LYG2: variants seen among roughly 807,000 people sequenced by gnomAD.
LYG2 encodes the protein lysozyme g2.
LYG2 carries 25 observed loss-of-function variants against 22.4 expected under a neutral mutation model. That is an observed-to-expected ratio of 1.12 (90% CI 0.81 to 1.56). The LOEUF (loss-of-function observed/expected upper bound fraction) is 1.56, where lower values mean the gene tolerates loss of function less well. Ranked by LOEUF, LYG2 falls within the 40% of genes most tolerant of loss-of-function variation. The pLI is 0.00. For missense variants in LYG2, 266 were observed against 269.5 expected (o/e 0.99, Z 0.09); for synonymous variants, 88 against 97.0 (o/e 0.91, Z 0.55).
upstream of LYG2, among the ~76,000 whole-genome samples, chr2:99,257,422 A>G (rs1223154388): frequency 6.6e-6 from 1 of 152,200 alleles, no homozygotes; most frequent in Admixed American, 6.5e-5. Flanking sequence ...CTACTGACCC[A>G]GTGGATGGTT....
intron 3 of LYG2, among the ~76,000 whole-genome samples, chr2:99,248,778 T>A (rs1256260301): frequency 6.6e-6 from 1 of 150,880 alleles, no homozygotes; most frequent in African/African-American, 2.4e-5. Context: ...ATAAATAAAA[T>A]TCAAAAAAAA....
At chr2:99,247,759 C>A (rs2094018787) in intron 3 of LYG2, among the ~76,000 whole-genome samples, 1 of 152,046 alleles carries the variant, frequency 6.6e-6, no homozygotes, top group South Asian at 2.1e-4. Flanking sequence ...AGAGCTTCTG[C>A]ACAGCAAAAG....
At position 99,249,015 on chromosome 2, in the gene LYG2, A is replaced by C. The variant is rs149293934; in HGVS notation, c.44-2195T>G. Among the ~76,000 whole-genome samples, 71 of 152,334 alleles carry C rather than the reference A, an allele frequency of 4.7e-4. 1 individual carries two copies. In the East Asian group the frequency reaches 6.0e-3, roughly 13 times the overall value. On this transcript the variant is annotated intron_variant, in intron 3 of 6. Coordinates refer to ENST00000333017, the MANE Select transcript of LYG2 (RefSeq NM_175735.4). ...CAAGTCTACCTGTTACAGGAGAGGC[A>C]GAGCTTTTGCTAAAGGAGATACAAA...
chr2:99,248,947 A>T (rs962421042), intron 3 of LYG2, among the ~76,000 whole-genome samples: 2 of 152,124 alleles, frequency 1.3e-5, no homozygotes, highest in African/African-American at 4.8e-5. Flanking sequence ...AGTCAAATCT[A>T]TTCTTGTCTT....
At chr2:99,255,452 A>G (rs1290726161) in intron 1 of LYG2, among the ~76,000 whole-genome samples, 151 bp downstream of exon 1, 21 of 152,194 alleles carry the variant, frequency 1.4e-4, no homozygotes, top group Non-Finnish European at 2.6e-4. Context: ...TGAACCCCCA[A>G]GTTGCTCAGG....
At position 99,246,599 on chromosome 2, in the gene LYG2, T is replaced by G. The variant is rs895775189; in HGVS notation, c.184+81A>C. Reference sequence around the variant, plus strand: ...TTGTCATAATGATGATTATACCTTTTCAAAATTAAGTGACTTCCTAAGAAA... The same window carrying G: ...TTGTCATAATGATGATTATACCTTTGCAAAATTAAGTGACTTCCTAAGAAA... On this transcript the variant is annotated intron_variant, in intron 4 of 6. Transcript: ENST00000333017. The G allele has an allele frequency of 2.6e-6, 4 of 1,519,006 alleles. No homozygotes were observed. In the Admixed American group the frequency reaches 8.0e-5, roughly 30 times the overall value. 94.1% of individuals were successfully genotyped at this position (1,519,006 alleles called of 1,614,324 possible).
At chr2:99,261,381 G>A in the LYG2 span, among the ~76,000 whole-genome samples, 8 of 152,090 alleles carry the variant, frequency 5.3e-5, no homozygotes, top group South Asian at 2.1e-4. Flanking sequence ...AACTCCACCC[G>A]CAGTTACAAC....
intron 6 of LYG2, chr2:99,243,599 A>G: frequency 3.7e-6 from 4 of 1,091,830 alleles, no homozygotes; most frequent in Non-Finnish European, 5.2e-6. Flanking sequence ...GCAGTGATGT[A>G]ATCAATGCTC....
intron 6 of LYG2, chr2:99,243,542 AT>A (rs941914319): frequency 2.5e-5 from 37 of 1,498,274 alleles, no homozygotes; most frequent in Admixed American, 1.5e-4. Context: ...AGATAGATAA[AT>A]TTTTTTTTGA....
chr2:99,254,179 C>A (rs750900885), intron 3 of LYG2, 39 bp downstream of exon 3: 13 of 1,586,074 alleles, frequency 8.2e-6, no homozygotes, highest in Non-Finnish European at 1.1e-5. Flanking sequence ...TTTTTGTGGA[C>A]ACCCTGTGAA....
chr2:99,249,419 C>T lies in LYG2; in HGVS notation c.44-2599G>A, dbSNP rs530074863. ...TGGGCAACAGAACAAGACCCTGTCT[C>T]AAATCTCAAAAAAAAAAAAAAGGAT... On this transcript the variant is annotated intron_variant, in intron 3 of 6. Coordinates refer to ENST00000333017, the MANE Select transcript of LYG2 (RefSeq NM_175735.4). 2.6e-3 allele frequency among the ~76,000 whole-genome samples: 325 copies of T among 122,756 alleles called. 2 individuals are homozygous for T. The highest frequency in any genetic ancestry group is 3.1e-3 in the Non-Finnish European group (183 of 58,110). The allele number at this position is 122,756 out of a possible 152,430, so 80.5% of individuals were successfully genotyped here.
At chr2:99,252,394 C>T (rs1443815326) in intron 3 of LYG2, among the ~76,000 whole-genome samples, 1 of 151,884 alleles carries the variant, frequency 6.6e-6, no homozygotes, top group African/African-American at 2.4e-5. Context: ...TCCCTCCCTT[C>T]CTCTCACTCT....
At chr2:99,248,060 A>G (rs1356250898) in intron 3 of LYG2, among the ~76,000 whole-genome samples, 2 of 152,216 alleles carry the variant, frequency 1.3e-5, no homozygotes, top group African/African-American at 2.4e-5. Context: ...TAGAATGGCA[A>G]TCATTAAAAA....
Position 99,246,827 on chromosome 2 carries a change from G to A in LYG2, c.44-7C>T. ...TATGAGCCCCTGGAAGTGCCTAGGA[G>A]GCAGAAGTGTAACTCACATGAATCC... On this transcript the variant is annotated splice_polypyrimidine_tract_variant and splice_region_variant and intron_variant, in intron 3 of 6. Coordinates refer to ENST00000333017, the MANE Select transcript of LYG2 (RefSeq NM_175735.4). 1 of 1,608,058 alleles carries A rather than the reference G, an allele frequency of 6.2e-7. No individual in the cohort carries two copies. Among genetic ancestry groups the A allele is most frequent in the South Asian group, 1.1e-5 (1 of 89,644 alleles).
upstream of LYG2, among the ~76,000 whole-genome samples, chr2:99,257,481 G>T (rs35326564): frequency 6.6e-6 from 1 of 152,154 alleles, no homozygotes; most frequent in Non-Finnish European, 1.5e-5. Flanking sequence ...TTGTCACTAA[G>T]AAGAAATGTA....
intron 3 of LYG2, among the ~76,000 whole-genome samples, chr2:99,249,648 CT>C (rs2094022730): frequency 1.3e-5 from 2 of 149,236 alleles, no homozygotes; most frequent in Admixed American, 1.4e-4. Context: ...GTAATCCCAG[CT>C]ACTCGGGAGG....
At chr2:99,257,757 A>G (rs2094038929), upstream of LYG2, among the ~76,000 whole-genome samples, 1 of 152,152 alleles carries the variant, frequency 6.6e-6, no homozygotes. Flanking sequence ...GAGTCCTAAC[A>G]GATTTGGGGT....
Position 99,255,459 on chromosome 2 carries a change from C to T in LYG2, c.-144+144G>A, listed in dbSNP as rs150119962. On this transcript the variant is annotated intron_variant, in intron 1 of 6. Coordinates refer to ENST00000333017, the MANE Select transcript of LYG2 (RefSeq NM_175735.4). Reference sequence around the variant, plus strand: ...TAACCTAATGAACCCCCAAGTTGCTCAGGAGGCATATTTTGATAGATTGTT... The same window carrying T: ...TAACCTAATGAACCCCCAAGTTGCTTAGGAGGCATATTTTGATAGATTGTT... 3.3e-3 allele frequency among the ~76,000 whole-genome samples: 507 copies of T among 152,294 alleles called. 3 individuals carry two copies. The highest frequency in any genetic ancestry group is 4.7e-3 in the Non-Finnish European group (319 of 68,034).
intron 3 of LYG2, among the ~76,000 whole-genome samples, chr2:99,252,939 T>C (rs552732733): frequency 1.1e-3 from 158 of 147,576 alleles, no homozygotes; most frequent in Non-Finnish European, 2.1e-3. Flanking sequence ...CCCAGCTACT[T>C]GGGAGGCTGA....
Sources: allele counts gnomAD v4.1 joint callset (sites outside exome capture counted in the v4.1 genomes callset), GRCh38; gene constraint gnomAD v4.1.1; transcripts MANE v1.5; gene names NCBI Gene and HGNC (gene_info 2026-07-23, HGNC 2026-07-21).